SORBS2: variants seen among roughly 807,000 people sequenced by gnomAD.
SORBS2 encodes the protein sorbin and SH3 domain-containing protein 2.
Under a neutral mutation model 97.7 loss-of-function variants are expected in SORBS2, and 46 were observed. That is an observed-to-expected ratio of 0.47 (90% CI 0.37 to 0.60). The LOEUF (loss-of-function observed/expected upper bound fraction) is 0.60, where lower values mean the gene tolerates loss of function less well. SORBS2 is among the 20% of genes least tolerant of loss of function. SORBS2 has a pLI of 0.00. For missense variants in SORBS2, 1,316 were observed against 1,282.3 expected (o/e 1.03, Z -0.40); for synonymous variants, 476 against 473.4 (o/e 1.01, Z -0.07).
At chr4:185,805,941 G>A (rs2099151477) in intron 1 of SORBS2, among the ~76,000 whole-genome samples, 1 of 152,228 alleles carries the variant, frequency 6.6e-6, no homozygotes, top group Admixed American at 6.5e-5. Context: ...ATAATTGGGT[G>A]TGAAGGCATC....
Position 185,838,282 on chromosome 4 carries a change from A to G in SORBS2, c.-337-62916T>C, listed in dbSNP as rs539769849. 4.6e-5 allele frequency among the ~76,000 whole-genome samples: 7 copies of G among 152,354 alleles called. No homozygotes were observed. The East Asian group carries it at 1.4e-3, about 29-fold the overall frequency. ...ACTTGCTCTGTTCCCATGGCTGTGAAGCCATGGCCGCAGCCTCTGCCATCT... is the reference window on the plus strand; with the variant it reads ...ACTTGCTCTGTTCCCATGGCTGTGAGGCCATGGCCGCAGCCTCTGCCATCT... On this transcript the variant is annotated intron_variant, in intron 1 of 20. Coordinates refer to the SORBS2 transcript ENST00000284776.
At chr4:185,921,587 TACA>T (rs963529653) in intron 1 of SORBS2, among the ~76,000 whole-genome samples, 3 of 152,278 alleles carry the variant, frequency 2.0e-5, no homozygotes, top group African/African-American at 4.8e-5. Flanking sequence ...GCCTGGCTGA[TACA>T]ACAAGACCCT....
chr4:185,597,807 G>T (rs1404189297), intron 12 of SORBS2, among the ~76,000 whole-genome samples: 5 of 152,176 alleles, frequency 3.3e-5, no homozygotes, highest in African/African-American at 1.2e-4. Flanking sequence ...GCAGCAACAA[G>T]CTGAGAGTTG....
chr4:185,807,439 C>G (rs902360867), intron 1 of SORBS2, among the ~76,000 whole-genome samples: 1 of 152,142 alleles, frequency 6.6e-6, no homozygotes, highest in South Asian at 2.1e-4. Context: ...GAAGAGGAAA[C>G]CACTGCTTTT....
At chr4:185,836,299 A>G (rs1017973434) in intron 1 of SORBS2, among the ~76,000 whole-genome samples, 5 of 152,168 alleles carry the variant, frequency 3.3e-5, no homozygotes, top group Admixed American at 1.3e-4. Flanking sequence ...GTCTCACTGT[A>G]CCCTTCCACA....
intron 2 of SORBS2, among the ~76,000 whole-genome samples, chr4:185,728,772 T>C (rs2098586498): frequency 1.3e-5 from 2 of 152,194 alleles, no homozygotes; most frequent in Non-Finnish European, 2.9e-5. Context: ...GCCCATTTAG[T>C]GTTTGGTTTC....
At chr4:185,803,729 A>G (rs28578545) in intron 1 of SORBS2, among the ~76,000 whole-genome samples, 5,895 of 152,276 alleles carry the variant, frequency 0.039, 179 homozygotes, top group African/African-American at 0.08. Context: ...AATTAAATCT[A>G]TGGTGGAAAG....
At chr4:185,859,271 T>C (rs776125106) in intron 1 of SORBS2, among the ~76,000 whole-genome samples, 1 of 152,182 alleles carries the variant, frequency 6.6e-6, no homozygotes, top group African/African-American at 2.4e-5. Context: ...TTCCTTAGGG[T>C]AGAAAATAAA....
At chr4:185,854,311 AC>A (rs201516070) in intron 1 of SORBS2, among the ~76,000 whole-genome samples, 1,622 of 152,206 alleles carry the variant, frequency 0.011, 33 homozygotes, top group African/African-American at 0.037. Context: ...CTAAAATCTA[AC>A]TCTAAGAGGT....
chr4:185,689,502 T>C (rs1392784836), intron 2 of SORBS2, among the ~76,000 whole-genome samples: 1 of 152,236 alleles, frequency 6.6e-6, no homozygotes, highest in East Asian at 1.9e-4. Context: ...TTCTCTTGAT[T>C]GCTGAGCCTT....
chr4:185,908,290 T>C (rs1482020033), intron 1 of SORBS2, among the ~76,000 whole-genome samples: 2 of 49,248 alleles, frequency 4.1e-5, no homozygotes, highest in Admixed American at 2.2e-4. Context: ...TATATATATA[T>C]ATATATATAT....
chr4:185,831,329 G>T (rs1473004328), intron 1 of SORBS2, among the ~76,000 whole-genome samples: 2 of 152,206 alleles, frequency 1.3e-5, no homozygotes, highest in Non-Finnish European at 2.9e-5. Flanking sequence ...TGTTGCTGCA[G>T]CAACTTTCAG....
At chr4:185,775,410 G>A (rs2098994982) in intron 1 of SORBS2, 44 bp from the exon 2 acceptor site, 1 of 152,486 alleles carries the variant, frequency 6.6e-6, no homozygotes, top group Non-Finnish European at 1.5e-5. Context: ...GAGAGGGAAA[G>A]AATCCCAGCT....
In SORBS2 at chr4:185,623,307, C is replaced by T. The variant is rs1029128600; in HGVS notation, c.1822G>A (p.Val608Met). 3 of 1,614,008 alleles carry T rather than the reference C, an allele frequency of 1.9e-6. No individual in the cohort carries two copies. Among genetic ancestry groups the T allele is most frequent in the Non-Finnish European group, 2.5e-6 (3 of 1,180,038 alleles). ...GAATTTTTTTTCCTCCGGAAAGGCACAGGACTGACTAGAAAAGCAAGTTTA... is the reference window on the plus strand; with the variant it reads ...GAATTTTTTTTCCTCCGGAAAGGCATAGGACTGACTAGAAAAGCAAGTTTA... Residue 608 changes from valine (V) to methionine (M), a missense_variant, in exon 7 of 15, where the codon GTG becomes ATG. Physicochemically the swap from Val to Met is conservative, Grantham distance 21 (BLOSUM62 1). Transcript: ENST00000418609. The surrounding 1 kb of genome is among the most constrained non-coding windows in gnomAD (Gnocchi z 6.4).
intron 12 of SORBS2, among the ~76,000 whole-genome samples, chr4:185,600,241 TC>T (rs1214645744): frequency 6.6e-6 from 1 of 152,182 alleles, no homozygotes; most frequent in Non-Finnish European, 1.5e-5. Flanking sequence ...CCAGCTGCCA[TC>T]TTAACATGGC....
intron 2 of SORBS2, among the ~76,000 whole-genome samples, chr4:185,769,700 G>A (rs529640076): frequency 1.3e-5 from 2 of 152,278 alleles, no homozygotes; most frequent in African/African-American, 4.8e-5. Context: ...ATGTTGGTCA[G>A]GCTAGTCTCG....
chr4:185,736,560 C>T (rs867148906), intron 2 of SORBS2, among the ~76,000 whole-genome samples: 2 of 152,188 alleles, frequency 1.3e-5, no homozygotes, highest in Non-Finnish European at 2.9e-5. Flanking sequence ...AATGGGGCTT[C>T]GGACACAATA....
At chr4:185,890,036 GC>G (rs1579340856) in intron 1 of SORBS2, among the ~76,000 whole-genome samples, 1 of 152,080 alleles carries the variant, frequency 6.6e-6, no homozygotes, top group Non-Finnish European at 1.5e-5. Flanking sequence ...ACAGGCATGT[GC>G]CACCATGCCC....
At chr4:185,630,747 A>G (rs2153432852) in intron 4 of SORBS2, 149 bp from the exon 17 acceptor site, 1 of 604,592 alleles carries the variant, frequency 1.7e-6, no homozygotes, top group Non-Finnish European at 2.9e-6. Flanking sequence ...ATGTCTTCCC[A>G]AAGAGAGATC....
Sources: allele counts gnomAD v4.1 joint callset (sites outside exome capture counted in the v4.1 genomes callset), GRCh38; gene constraint gnomAD v4.1.1; non-coding constraint Gnocchi (gnomAD v3.1); transcripts MANE v1.5; gene names NCBI Gene and HGNC (gene_info 2026-07-23, HGNC 2026-07-21).